The following DPP6 variants were observed in gnomAD, a reference collection of about 807,000 sequenced individuals.
DPP6 encodes dipeptidyl peptidase like 6.
In DPP6, 69 loss-of-function variants were observed where a neutral mutation model predicts 122.6. That is an observed-to-expected ratio of 0.56 (90% CI 0.46 to 0.69). The LOEUF is 0.69. DPP6 is among the 30% of genes least tolerant of loss of function. The pLI is 0.00. For missense variants in DPP6, 928 were observed against 1,116.9 expected (o/e 0.83, Z 2.41); for synonymous variants, 418 against 433.1 (o/e 0.97, Z 0.43).
At chr7:153,750,284 C>T in the DPP6 span, among the ~76,000 whole-genome samples, 1 of 151,962 alleles carries the variant, frequency 6.6e-6, no homozygotes, top group African/African-American at 2.4e-5. Context: ...TCTCTGTTCT[C>T]ACTATGATTT....
rs139961433 is a variant in DPP6, at chr7:154,306,982, A to G, written c.244-139232A>G. On this transcript the variant is annotated intron_variant, in intron 1 of 25. Transcript: ENST00000377770. ...TTACAGTTCTCCTCCCTCATTAGTT[A>G]TGAAGTAAGTGTGCGATGGGCTTTC... Among the ~76,000 whole-genome samples, 15 of 152,288 alleles carry G rather than the reference A, an allele frequency of 9.8e-5. No homozygotes were observed. In the East Asian group the frequency reaches 2.9e-3, roughly 29 times the overall value.
At chr7:154,442,898 T>A (rs893066122) in intron 1 of DPP6, among the ~76,000 whole-genome samples, 3 of 152,186 alleles carry the variant, frequency 2.0e-5, no homozygotes, top group Non-Finnish European at 4.4e-5. Flanking sequence ...GTTCCCACCC[T>A]GGTTTCTGCA....
chr7:153,759,664 A>G, the DPP6 span, among the ~76,000 whole-genome samples: 1 of 152,136 alleles, frequency 6.6e-6, no homozygotes, highest in Non-Finnish European at 1.5e-5. Flanking sequence ...TGCAATGTGG[A>G]TAACCATATG....
At chr7:154,257,277 G>T (rs28551758) in intron 1 of DPP6, among the ~76,000 whole-genome samples, 22,492 of 151,900 alleles carry the variant, frequency 0.15, 3,198 homozygotes, top group African/African-American at 0.38. Context: ...ATTCCTACCT[G>T]TTGTAATGAA....
chr7:153,814,762 G>A, the DPP6 span, among the ~76,000 whole-genome samples: 2 of 152,060 alleles, frequency 1.3e-5, no homozygotes, highest in East Asian at 3.9e-4. Context: ...TATCCACCAT[G>A]ATCAAGTCGG....
At chr7:153,990,511 G>A (rs1436780895) in intron 1 of DPP6, among the ~76,000 whole-genome samples, 3 of 151,520 alleles carry the variant, frequency 2.0e-5, no homozygotes, top group Admixed American at 6.6e-5. Flanking sequence ...GGGTGTCAAG[G>A]GAGAGGGCTC....
At chr7:154,193,678 A>G (rs959443769) in intron 1 of DPP6, among the ~76,000 whole-genome samples, 4 of 152,142 alleles carry the variant, frequency 2.6e-5, no homozygotes, top group African/African-American at 4.8e-5. Context: ...GTGGGCTCAC[A>G]TATGTGATGT....
chr7:154,130,089 C>T (rs1234727131), intron 1 of DPP6, among the ~76,000 whole-genome samples: 14 of 150,678 alleles, frequency 9.3e-5, no homozygotes, highest in Admixed American at 7.3e-4. Context: ...ACTCTGTCCC[C>T]CCACACACAC....
At chr7:154,453,378 A>G in intron 2 of DPP6, among the ~76,000 whole-genome samples, 1 of 152,216 alleles carries the variant, frequency 6.6e-6, no homozygotes, top group African/African-American at 2.4e-5. Context: ...GAAACGTAAC[A>G]TAGAGATTAC....
At chr7:154,651,268 C>G (rs1361572886) in intron 6 of DPP6, among the ~76,000 whole-genome samples, 1 of 152,176 alleles carries the variant, frequency 6.6e-6, no homozygotes, top group Admixed American at 6.5e-5. Flanking sequence ...TATATAGTTA[C>G]AGAAACCACA....
At chr7:154,651,917 G>A (rs1836901125) in intron 6 of DPP6, among the ~76,000 whole-genome samples, 2 of 152,148 alleles carry the variant, frequency 1.3e-5, no homozygotes, top group Non-Finnish European at 2.9e-5. Context: ...GCCCCACTCT[G>A]AATAACACGA....
At chr7:154,885,781 T>TGCCCC in intron 22 of DPP6, 37 bp downstream of exon 22, 2 of 1,548,996 alleles carry the variant, frequency 1.3e-6, no homozygotes, top group East Asian at 2.4e-5. Flanking sequence ...CGGGCTCTGC[T>TGCCCC]CCCGCCCCGC....
chr7:153,973,160 A>G (rs919182332), intron 1 of DPP6, among the ~76,000 whole-genome samples: 1 of 152,184 alleles, frequency 6.6e-6, no homozygotes, highest in African/African-American at 2.4e-5. Flanking sequence ...AAAAACTACA[A>G]TAAAACGGAT....
chr7:154,040,758 T>C (rs1226308172), intron 1 of DPP6, among the ~76,000 whole-genome samples: 4 of 152,202 alleles, frequency 2.6e-5, no homozygotes, highest in Non-Finnish European at 5.9e-5. Context: ...GGCTGGAACA[T>C]TTTTCCTTTA....
chr7:154,598,921 T>C lies in DPP6; in HGVS notation c.627+32005T>C, dbSNP rs146657983. Among the ~76,000 whole-genome samples, 22 of 152,300 alleles carry C rather than the reference T, an allele frequency of 1.4e-4. 1 individual carries two copies. In the East Asian group the frequency reaches 4.2e-3, roughly 29 times the overall value. ...AAACCACCACCTTTAATGCTGATGA[T>C]TGGTGTTCCCATGGACCTTGGGTTA... On this transcript the variant is annotated intron_variant, in intron 5 of 25. Transcript: ENST00000377770.
At chr7:154,149,041 A>C (rs1056579776) in intron 1 of DPP6, among the ~76,000 whole-genome samples, 8 of 152,240 alleles carry the variant, frequency 5.3e-5, no homozygotes, top group Non-Finnish European at 1.0e-4. Flanking sequence ...CAGTATCTCC[A>C]GCAGACCTAT....
chr7:154,811,225 T>G lies in DPP6; in HGVS notation c.1666+4113T>G, dbSNP rs183965339. ...ATAAAAAGAGATTTTCTGAAAAGGT[T>G]TAAATTTACAAAGACAACAAAGTAC... On this transcript the variant is annotated intron_variant, in intron 16 of 25. Coordinates refer to ENST00000377770, the MANE Select transcript of DPP6 (RefSeq NM_130797.4). Among the ~76,000 whole-genome samples, 14 of 152,286 alleles carry G rather than the reference T, an allele frequency of 9.2e-5. No homozygotes were observed. In the East Asian group the frequency reaches 2.7e-3, roughly 29 times the overall value.
At chr7:154,078,946 C>CAAAA (rs67950621) in intron 1 of DPP6, among the ~76,000 whole-genome samples, 25 of 112,582 alleles carry the variant, frequency 2.2e-4, no homozygotes, top group African/African-American at 8.3e-4. Flanking sequence ...CATTCTTTTC[C>CAAAA]AAAAAAAAAA....
intron 8 of DPP6, among the ~76,000 whole-genome samples, chr7:154,741,579 T>C (rs73498043): frequency 0.012 from 1,872 of 152,348 alleles, 35 homozygotes; most frequent in African/African-American, 0.042. Context: ...AGGCCAGCTG[T>C]GTGGACACCA....
Sources: allele counts gnomAD v4.1 joint callset (sites outside exome capture counted in the v4.1 genomes callset), GRCh38; gene constraint gnomAD v4.1.1; transcripts MANE v1.5; gene names NCBI Gene and HGNC (gene_info 2026-07-23, HGNC 2026-07-21).